DPYD: variants seen among roughly 807,000 people sequenced by gnomAD.
DPYD encodes the protein dihydropyrimidine dehydrogenase.
A neutral mutation model predicts 116.2 loss-of-function variants in DPYD; 109 were observed. That is an observed-to-expected ratio of 0.94 (90% CI 0.80 to 1.10). The LOEUF is 1.10. DPYD is among the 50% of genes least tolerant of loss of function. The pLI is 0.00. For missense variants in DPYD, 1,302 were observed against 1,254.5 expected (o/e 1.04, Z -0.57); for synonymous variants, 440 against 432.0 (o/e 1.02, Z -0.23).
intron 20 of DPYD, among the ~76,000 whole-genome samples, chr1:97,150,155 C>T (rs1304141910): frequency 1.3e-5 from 2 of 152,218 alleles, no homozygotes; most frequent in East Asian, 1.9e-4. Flanking sequence ...TTCCAAATAT[C>T]TCTTTCTCAC....
chr1:97,584,357 G>C (rs1212668194), intron 10 of DPYD, among the ~76,000 whole-genome samples: 4 of 151,930 alleles, frequency 2.6e-5, no homozygotes, highest in Non-Finnish European at 5.9e-5. Context: ...CCATTCTGTA[G>C]GTTGCCTGTT....
chr1:97,208,063 CTCTG>C (rs2101863673), intron 19 of DPYD, among the ~76,000 whole-genome samples: 1 of 152,234 alleles, frequency 6.6e-6, no homozygotes, highest in South Asian at 2.1e-4. Context: ...AAGGCCTTCT[CTCTG>C]TTTGCTGGGA....
At chr1:97,611,453 T>C (rs1019048148) in intron 8 of DPYD, among the ~76,000 whole-genome samples, 2 of 152,030 alleles carry the variant, frequency 1.3e-5, no homozygotes, top group Non-Finnish European at 2.9e-5. Flanking sequence ...ATCTTATTTT[T>C]CTATAGAGAG....
chr1:97,342,508 T>C (rs949013666), intron 16 of DPYD, among the ~76,000 whole-genome samples: 6 of 152,206 alleles, frequency 3.9e-5, no homozygotes, highest in Non-Finnish European at 7.3e-5. Flanking sequence ...AGTCGACTTA[T>C]GTTCTTAGTG....
At chr1:97,522,470 C>T (rs892336112) in intron 12 of DPYD, among the ~76,000 whole-genome samples, 1 of 152,120 alleles carries the variant, frequency 6.6e-6, no homozygotes, top group Non-Finnish European at 1.5e-5. Flanking sequence ...CACCTGTAAT[C>T]CCAGCACTTT....
intron 13 of DPYD, among the ~76,000 whole-genome samples, chr1:97,466,466 C>A (rs774532537): frequency 6.6e-6 from 1 of 150,520 alleles, no homozygotes; most frequent in African/African-American, 2.4e-5. Flanking sequence ...ACAACAAATA[C>A]ATTTTAAGTA....
intron 16 of DPYD, among the ~76,000 whole-genome samples, chr1:97,341,473 T>C (rs1669584752): frequency 6.6e-6 from 1 of 152,176 alleles, no homozygotes; most frequent in Non-Finnish European, 1.5e-5. Context: ...ACACAGGATA[T>C]ACATAGGAAC....
At chr1:97,262,806 G>A (rs1390755127) in intron 18 of DPYD, among the ~76,000 whole-genome samples, 2 of 151,870 alleles carry the variant, frequency 1.3e-5, no homozygotes, top group Non-Finnish European at 2.9e-5. Context: ...ATCCATGCTG[G>A]GAGAGAAAAC....
At chr1:97,789,268 A>G (rs1418265557) in intron 3 of DPYD, among the ~76,000 whole-genome samples, 2 of 152,244 alleles carry the variant, frequency 1.3e-5, no homozygotes, top group Non-Finnish European at 2.9e-5. Context: ...TTAAAATTTG[A>G]AAGCACTATC....
chr1:97,684,797 A>G (rs907332842), intron 7 of DPYD, among the ~76,000 whole-genome samples: 2 of 152,208 alleles, frequency 1.3e-5, no homozygotes, highest in African/African-American at 4.8e-5. Context: ...TGAACAAGGA[A>G]GAAGTTGAAT....
chr1:97,504,796 TAAG>T lies in DPYD; in HGVS notation c.1740+10927_1740+10929del, dbSNP rs1050713571. 4.3e-4 allele frequency among the ~76,000 whole-genome samples: 64 copies of T among 148,126 alleles called. 1 individual carries two copies. Among genetic ancestry groups the T allele is most frequent in the Admixed American group, 3.8e-3 (54 of 14,148 alleles). The stretch of plus-strand genomic sequence containing the variant: ...TACATTGCAAAATAAAACTGGTTGA[TAAG>T]AGGAGGGAGGTAGTCAGTCAGCAGG... On this transcript the variant is annotated intron_variant, in intron 13 of 22. Transcript: ENST00000370192.
At chr1:97,452,076 C>T (rs1676445700) in intron 13 of DPYD, among the ~76,000 whole-genome samples, 1 of 152,096 alleles carries the variant, frequency 6.6e-6, no homozygotes, top group South Asian at 2.1e-4. Context: ...ACAGGTGCTT[C>T]CTGCTTATTC....
At chr1:97,766,564 C>T (rs1665866498) in intron 3 of DPYD, among the ~76,000 whole-genome samples, 2 of 152,058 alleles carry the variant, frequency 1.3e-5, no homozygotes, top group Admixed American at 1.3e-4. Flanking sequence ...AGGCTGTGGC[C>T]GTAAAACCCT....
At chr1:97,735,716 AAATAAATAAAT>A (rs1663900618) in intron 4 of DPYD, among the ~76,000 whole-genome samples, 1 of 148,730 alleles carries the variant, frequency 6.7e-6, no homozygotes, top group Non-Finnish European at 1.5e-5. Flanking sequence ...ATAAATAAAT[AAATAAATAAAT>A]AAAACAATAA....
chr1:97,489,998 CAAT>C (rs1189037386), intron 13 of DPYD, among the ~76,000 whole-genome samples: 2 of 152,042 alleles, frequency 1.3e-5, no homozygotes, highest in African/African-American at 2.4e-5. Flanking sequence ...AAATAAACAA[CAAT>C]GTGTTCCTGG....
intron 4 of DPYD, among the ~76,000 whole-genome samples, chr1:97,730,845 C>A (rs1023754527): frequency 1.3e-4 from 20 of 150,666 alleles, no homozygotes; most frequent in African/African-American, 4.6e-4. Flanking sequence ...AATACAAATA[C>A]AAAAACAAAG....
intron 1 of DPYD, among the ~76,000 whole-genome samples, chr1:97,892,274 A>C (rs1672817268): frequency 6.6e-6 from 1 of 151,876 alleles, no homozygotes; most frequent in African/African-American, 2.4e-5. Flanking sequence ...CCAGGTAACA[A>C]TCTAACTAAG....
intron 18 of DPYD, among the ~76,000 whole-genome samples, chr1:97,276,883 T>C (rs1664966428): frequency 1.3e-5 from 2 of 152,114 alleles, no homozygotes; most frequent in African/African-American, 4.8e-5. Flanking sequence ...AATAAATTGT[T>C]CTACCAAAAA....
chr1:97,830,183 A>C (rs1669463884), intron 2 of DPYD, among the ~76,000 whole-genome samples: 1 of 152,172 alleles, frequency 6.6e-6, no homozygotes, highest in Non-Finnish European at 1.5e-5. Context: ...AGTCTTTGCC[A>C]TTGTGAATAG....
Sources: gnomAD v4.1 joint callset for allele counts (sites outside exome capture counted in the v4.1 genomes callset) on GRCh38, gnomAD v4.1.1 for gene constraint, MANE v1.5 for transcripts, NCBI Gene and HGNC (gene_info 2026-07-23, HGNC 2026-07-21) for gene names.